TSPAN18: variants seen among roughly 807,000 people sequenced by gnomAD.
The protein encoded by TSPAN18 is tetraspanin-18.
In TSPAN18, 14 loss-of-function variants were observed where a neutral mutation model predicts 27.3. The ratio of observed to expected loss-of-function variants is 0.51; its 90% CI spans 0.34 to 0.80. TSPAN18 has a LOEUF of 0.80. Ranked by LOEUF, TSPAN18 falls within the 30% of genes least tolerant of loss-of-function variation. The probability of loss-of-function intolerance (pLI) is 0.01; values close to 1 mark genes in which losing one functional copy is unlikely to be tolerated. For synonymous variants in TSPAN18, 143 were observed against 136.5 expected (o/e 1.05, Z -0.33); for missense variants, 268 against 323.9 (o/e 0.83, Z 1.32).
At chr11:44,885,085 T>A (rs999905083) in intron 3 of TSPAN18, among the ~76,000 whole-genome samples, 1 of 152,216 alleles carries the variant, frequency 6.6e-6, no homozygotes, top group Non-Finnish European at 1.5e-5. Flanking sequence ...GTAGCTGTGA[T>A]GGATACAATA....
rs1385611392 is a variant in TSPAN18, at chr11:44,840,528, G to A, written c.-152-19800G>A. On this transcript the variant is annotated intron_variant, in intron 2 of 9. Coordinates refer to ENST00000520358, the MANE Select transcript of TSPAN18 (RefSeq NM_130783.5). Reference sequence around the variant, plus strand: ...AAGCAGTGAAGTAGCATCAGTGTCTGAGGGTGCCCAGCTCACAGCTGGGAT... The same window carrying A: ...AAGCAGTGAAGTAGCATCAGTGTCTAAGGGTGCCCAGCTCACAGCTGGGAT... 3.9e-5 allele frequency among the ~76,000 whole-genome samples: 6 copies of A among 152,326 alleles called. No individual in the cohort carries two copies. The East Asian group carries it at 9.7e-4, about 25-fold the overall frequency.
intron 2 of TSPAN18, among the ~76,000 whole-genome samples, chr11:44,827,707 C>T (rs1266995499): frequency 6.6e-6 from 1 of 152,226 alleles, no homozygotes; most frequent in Non-Finnish European, 1.5e-5. Context: ...GTTCCCACTA[C>T]AAAAGATATC....
intron 2 of TSPAN18, among the ~76,000 whole-genome samples, chr11:44,857,279 C>T (rs975580003): frequency 2.6e-5 from 4 of 152,230 alleles, no homozygotes; most frequent in African/African-American, 7.2e-5. Context: ...ATGAACTTGA[C>T]CTACGACAGG....
chr11:44,726,923 A>AGGGG (rs1854524839), upstream of TSPAN18: 1 of 11,634 alleles, frequency 8.6e-5, no homozygotes, highest in Admixed American at 7.6e-4. Flanking sequence ...GGAGGGACGG[A>AGGGG]CGGCGGCGGA....
chr11:44,821,106 C>G (rs781005480), intron 2 of TSPAN18, among the ~76,000 whole-genome samples: 3 of 152,156 alleles, frequency 2.0e-5, no homozygotes, highest in Non-Finnish European at 4.4e-5. Context: ...AAAATGTTAA[C>G]TTTTAGGGTG....
intron 2 of TSPAN18, among the ~76,000 whole-genome samples, chr11:44,777,924 G>C (rs1295437255): frequency 1.3e-5 from 2 of 152,170 alleles, no homozygotes; most frequent in Non-Finnish European, 2.9e-5. Context: ...TCTGTCTGCG[G>C]GGCTCTGGGG....
chr11:44,826,351 G>A (rs1021664475), intron 2 of TSPAN18, among the ~76,000 whole-genome samples: 2 of 152,232 alleles, frequency 1.3e-5, no homozygotes, highest in Non-Finnish European at 2.9e-5. Context: ...TTGAACCCAG[G>A]AGGCAGAGGT....
At chr11:44,773,080 T>A (rs1855725382) in intron 2 of TSPAN18, among the ~76,000 whole-genome samples, 1 of 152,188 alleles carries the variant, frequency 6.6e-6, no homozygotes, top group African/African-American at 2.4e-5. Flanking sequence ...TTTTAAAGCC[T>A]AAGTAATAAA....
At chr11:44,740,870 C>A (rs528097151) in intron 1 of TSPAN18, among the ~76,000 whole-genome samples, 1 of 152,360 alleles carries the variant, frequency 6.6e-6, no homozygotes, top group East Asian at 1.9e-4. Context: ...ACTGCAACTT[C>A]TGCCTTCCAG....
chr11:44,888,148 G>A (rs1353846215), intron 3 of TSPAN18, among the ~76,000 whole-genome samples: 7 of 152,120 alleles, frequency 4.6e-5, no homozygotes, highest in African/African-American at 1.7e-4. Context: ...ACTCGGGGCT[G>A]CCAACTCCTC....
intron 2 of TSPAN18, among the ~76,000 whole-genome samples, chr11:44,799,658 A>C (rs1856432425): frequency 6.6e-6 from 1 of 152,148 alleles, no homozygotes; most frequent in African/African-American, 2.4e-5. Flanking sequence ...ACAGCAACCC[A>C]TGAGGTAGGT....
intron 1 of TSPAN18, among the ~76,000 whole-genome samples, chr11:44,753,693 G>A (rs948996565): frequency 5.3e-5 from 8 of 152,164 alleles, no homozygotes; most frequent in East Asian, 1.9e-4. Flanking sequence ...CATAGTGATC[G>A]ACTTCAGTGT....
At chr11:44,889,771 G>A (rs1299613064) in intron 3 of TSPAN18, among the ~76,000 whole-genome samples, 1 of 152,238 alleles carries the variant, frequency 6.6e-6, no homozygotes, top group Non-Finnish European at 1.5e-5. Flanking sequence ...AACCTCAGGG[G>A]CCTTCTCATC....
intron 2 of TSPAN18, among the ~76,000 whole-genome samples, chr11:44,779,938 T>C (rs2134946467): frequency 6.6e-6 from 1 of 152,272 alleles, no homozygotes; most frequent in Non-Finnish European, 1.5e-5. Context: ...CATACCTGTG[T>C]ATACCTATGC....
Position 44,926,716 on chromosome 11 carries a change from T to C in TSPAN18, c.658T>C (p.Tyr220His). The change falls in exon 9 of 10, where the codon TAC becomes CAC. Residue 220 changes from tyrosine (Y) to histidine (H), a missense_variant. By Grantham distance (83) the Tyr-to-His change is moderately conservative. Transcript: ENST00000520358. ...VILNTFETYV[Y>H]LAGALAIGVL... Reference sequence around the variant, plus strand: ...CCTCAACACCTTCGAGACCTACGTCTACTTGGCCGGAGCCCTTGCCATCGG... The same window carrying C: ...CCTCAACACCTTCGAGACCTACGTCCACTTGGCCGGAGCCCTTGCCATCGG... 2 of 1,614,156 alleles carry C rather than the reference T, an allele frequency of 1.2e-6. No individual in the cohort carries two copies. Among genetic ancestry groups the C allele is most frequent in the Non-Finnish European group, 1.7e-6 (2 of 1,179,998 alleles).
intron 2 of TSPAN18, among the ~76,000 whole-genome samples, chr11:44,859,360 G>A (rs1194931037): frequency 2.0e-5 from 3 of 152,134 alleles, no homozygotes; most frequent in South Asian, 2.1e-4. Context: ...ATTTCTAGAC[G>A]CCAAATGCTC....
intron 1 of TSPAN18, among the ~76,000 whole-genome samples, chr11:44,743,506 A>T (rs1854995287): frequency 6.6e-6 from 1 of 152,190 alleles, no homozygotes; most frequent in Non-Finnish European, 1.5e-5. Context: ...ATGGGACAAC[A>T]GCAGGCAAGT....
intron 1 of TSPAN18, among the ~76,000 whole-genome samples, chr11:44,753,373 G>A (rs534904561): frequency 7.9e-5 from 12 of 151,914 alleles, no homozygotes; most frequent in African/African-American, 2.2e-4. Context: ...CTCACGATCC[G>A]CCCGCCTCAG....
intron 1 of TSPAN18, among the ~76,000 whole-genome samples, chr11:44,734,813 G>T (rs919159812): frequency 4.6e-5 from 7 of 152,172 alleles, no homozygotes; most frequent in South Asian, 2.1e-4. Flanking sequence ...CTCTCCTTCT[G>T]GGGGGACAGA....
Sources: allele counts gnomAD v4.1 joint callset (sites outside exome capture counted in the v4.1 genomes callset), GRCh38; gene constraint gnomAD v4.1.1; transcripts MANE v1.5; gene names NCBI Gene and HGNC (gene_info 2026-07-23, HGNC 2026-07-21).